Variants in RAB38 observed in about 807,000 individuals in gnomAD.
RAB38 encodes the protein ras-related protein Rab-38.
In RAB38, 15 loss-of-function variants were observed where a neutral mutation model predicts 18.4. The observed-to-expected ratio is 0.82, with a 90% CI of 0.55 to 1.26. The LOEUF (loss-of-function observed/expected upper bound fraction) is 1.26. RAB38 is among the 50% of genes most tolerant of loss of function. The probability of loss-of-function intolerance (pLI) is 0.00; values close to 1 mark genes in which losing one functional copy is unlikely to be tolerated. For missense variants in RAB38, 294 were observed against 267.4 expected (o/e 1.10, Z -0.69); for synonymous variants, 101 against 104.4 (o/e 0.97, Z 0.20).
chr11:87,944,920 T>G, the RAB38 span, among the ~76,000 whole-genome samples: 12 of 152,154 alleles, frequency 7.9e-5, no homozygotes, highest in Non-Finnish European at 1.5e-4. Flanking sequence ...ATCACTCACT[T>G]CTAAATAATG....
the RAB38 span, among the ~76,000 whole-genome samples, chr11:87,866,181 G>A: frequency 1.3e-5 from 2 of 151,638 alleles, no homozygotes; most frequent in Non-Finnish European, 3.0e-5. Context: ...GGGCATAGGG[G>A]ATCAGGGTGG....
the RAB38 span, among the ~76,000 whole-genome samples, chr11:88,052,901 C>CATATATATATAT: frequency 2.3e-4 from 5 of 21,508 alleles, no homozygotes; most frequent in Non-Finnish European, 4.7e-4. Context: ...GAAAAAATTT[C>CATATATATATAT]ATATATATAT....
At chr11:88,119,558 C>T (rs1281606465) in intron 2 of RAB38, among the ~76,000 whole-genome samples, 1 of 151,588 alleles carries the variant, frequency 6.6e-6, no homozygotes, top group African/African-American at 2.4e-5. Flanking sequence ...GAGGAAGGCA[C>T]ATACAACTAA....
chr11:88,077,029 A>C, the RAB38 span, among the ~76,000 whole-genome samples: 1 of 52,044 alleles, frequency 1.9e-5, no homozygotes, highest in Admixed American at 1.9e-4. Context: ...AAAAGAAAAG[A>C]AAGAAAGCAA....
chr11:88,019,937 A>C, the RAB38 span, among the ~76,000 whole-genome samples: 3 of 152,174 alleles, frequency 2.0e-5, no homozygotes, highest in Non-Finnish European at 2.9e-5. Context: ...AGGTCTTTGA[A>C]TCATGAACTT....
the RAB38 span, among the ~76,000 whole-genome samples, chr11:87,958,142 C>T: frequency 1.3e-5 from 2 of 152,070 alleles, no homozygotes; most frequent in Admixed American, 6.6e-5. Context: ...GCCACTGCCC[C>T]CAGTCAGCCA....
chr11:87,835,439 C>T, the RAB38 span, among the ~76,000 whole-genome samples: 4 of 152,130 alleles, frequency 2.6e-5, no homozygotes, highest in African/African-American at 7.2e-5. Context: ...TATTAAGCCC[C>T]GGCTTAGGGC....
chr11:88,020,888 T>C, the RAB38 span, among the ~76,000 whole-genome samples: 4 of 151,932 alleles, frequency 2.6e-5, no homozygotes, highest in South Asian at 8.3e-4. Context: ...TTGATAAAAA[T>C]TTCTTGAAAC....
chr11:88,024,201 A>G, the RAB38 span, among the ~76,000 whole-genome samples: 2 of 152,108 alleles, frequency 1.3e-5, no homozygotes, highest in Admixed American at 6.5e-5. Context: ...CACTCTAATA[A>G]TTTGATAAAA....
chr11:87,822,705 A>G, the RAB38 span, among the ~76,000 whole-genome samples: 1 of 152,196 alleles, frequency 6.6e-6, no homozygotes, highest in Admixed American at 6.5e-5. Flanking sequence ...CTTCCTTCAT[A>G]TTTAGTTCAT....
chr11:87,933,294 G>A, the RAB38 span, among the ~76,000 whole-genome samples: 1 of 152,012 alleles, frequency 6.6e-6, no homozygotes, highest in Non-Finnish European at 1.5e-5. Flanking sequence ...ATTCCTTTTT[G>A]TAGCACTGGT....
At chr11:88,101,397 A>G in the RAB38 span, among the ~76,000 whole-genome samples, 2 of 152,006 alleles carry the variant, frequency 1.3e-5, no homozygotes, top group South Asian at 4.1e-4. Context: ...GATATCCAGC[A>G]TTCATGGTTT....
intron 2 of RAB38, among the ~76,000 whole-genome samples, chr11:88,128,928 G>A (rs1267681480): frequency 6.6e-6 from 1 of 152,186 alleles, no homozygotes; most frequent in East Asian, 1.9e-4. Flanking sequence ...AGAGGAAGAG[G>A]AATGGTTGGG....
At chr11:87,897,398 G>C in the RAB38 span, among the ~76,000 whole-genome samples, 1 of 151,306 alleles carries the variant, frequency 6.6e-6, no homozygotes, top group Non-Finnish European at 1.5e-5. Context: ...TTTTATCTTG[G>C]GTAGCATGCA....
the RAB38 span, among the ~76,000 whole-genome samples, chr11:87,937,891 T>TTA: frequency 1.5e-4 from 20 of 131,416 alleles, no homozygotes; most frequent in Admixed American, 3.0e-4. Flanking sequence ...TTTTTTTTTT[T>TTA]ATCATGTATG....
At chr11:88,169,040 G>C (rs1430116995) in intron 1 of RAB38, among the ~76,000 whole-genome samples, 3 of 152,212 alleles carry the variant, frequency 2.0e-5, no homozygotes, top group Non-Finnish European at 4.4e-5. Flanking sequence ...AGGAGGCAGA[G>C]ATTAGAGCTA....
At chr11:88,053,693 A>C in the RAB38 span, among the ~76,000 whole-genome samples, 1 of 151,952 alleles carries the variant, frequency 6.6e-6, no homozygotes, top group Non-Finnish European at 1.5e-5. Context: ...GAAAATTTAA[A>C]TGAATTTTAT....
chr11:88,146,650 T>C (rs1942990279), intron 2 of RAB38, among the ~76,000 whole-genome samples: 1 of 152,204 alleles, frequency 6.6e-6, no homozygotes, highest in Non-Finnish European at 1.5e-5. Context: ...TTTAAAGAAG[T>C]TTGACACTCC....
At chr11:87,939,330 C>A in the RAB38 span, among the ~76,000 whole-genome samples, 2 of 151,342 alleles carry the variant, frequency 1.3e-5, no homozygotes, top group Non-Finnish European at 2.9e-5. Flanking sequence ...AAGTATGTGA[C>A]CTTCAGGGAT....
Sources: gnomAD v4.1 joint callset for allele counts (sites outside exome capture counted in the v4.1 genomes callset) on GRCh38, gnomAD v4.1.1 for gene constraint, MANE v1.5 for transcripts, NCBI Gene and HGNC (gene_info 2026-07-23, HGNC 2026-07-21) for gene names.